Variants in ZPLD1 observed in about 807,000 individuals in gnomAD.
The protein encoded by ZPLD1 is zona pellucida like domain containing 1, also known as zona pellucida-like domain-containing protein 1.
A neutral mutation model predicts 47.2 loss-of-function variants in ZPLD1; 34 were observed. The observed-to-expected ratio is 0.72, with a 90% CI of 0.55 to 0.96. ZPLD1 has a LOEUF of 0.96. ZPLD1 is among the 40% of genes least tolerant of loss of function. The pLI, the probability that ZPLD1 is intolerant of heterozygous loss-of-function variation, is 0.00. For missense variants in ZPLD1, 512 were observed against 505.8 expected (o/e 1.01, Z -0.12); for synonymous variants, 176 against 186.2 (o/e 0.95, Z 0.45).
intron 10 of ZPLD1, among the ~76,000 whole-genome samples, chr3:102,474,898 G>A (rs944388811): frequency 2.0e-5 from 3 of 151,976 alleles, no homozygotes; most frequent in Non-Finnish European, 4.4e-5. Flanking sequence ...GACCAAGTGG[G>A]TTCAAGGAAT....
intron 7 of ZPLD1, among the ~76,000 whole-genome samples, chr3:102,417,646 T>C (rs1286679035): frequency 5.9e-5 from 9 of 151,958 alleles, no homozygotes; most frequent in Admixed American, 5.9e-4. Flanking sequence ...TGATATTCCA[T>C]ATCCCGTTTT....
intron 4 of ZPLD1, among the ~76,000 whole-genome samples, chr3:102,455,144 C>T (rs1707393137): frequency 6.6e-6 from 1 of 152,274 alleles, no homozygotes; most frequent in South Asian, 2.1e-4. Flanking sequence ...CACAGCTTTG[C>T]CCATGTGCTG....
At chr3:102,395,562 G>A (rs80075728) in intron 7 of ZPLD1, among the ~76,000 whole-genome samples, 1,862 of 152,252 alleles carry the variant, frequency 0.012, 38 homozygotes, top group African/African-American at 0.042. Context: ...GAATGCAGTC[G>A]TTGCTGACAC....
At chr3:102,403,361 T>A (rs1214501651) in intron 7 of ZPLD1, among the ~76,000 whole-genome samples, 1 of 151,860 alleles carries the variant, frequency 6.6e-6, no homozygotes, top group Admixed American at 6.6e-5. Flanking sequence ...TAGGAAAAAA[T>A]TTAATATTCA....
intron 7 of ZPLD1, among the ~76,000 whole-genome samples, chr3:102,397,727 C>T (rs778337641): frequency 3.9e-5 from 6 of 152,116 alleles, no homozygotes; most frequent in Non-Finnish European, 8.8e-5. Flanking sequence ...AGGATACCAC[C>T]TCACTCACCT....
chr3:102,422,578 T>C (rs1243396522), intron 8 of ZPLD1, among the ~76,000 whole-genome samples: 5 of 152,116 alleles, frequency 3.3e-5, no homozygotes, highest in Middle Eastern at 3.4e-3. Flanking sequence ...AGGGGTTGTT[T>C]TGATAGAAGA....
chr3:102,467,801 C>T (rs1707619946), intron 8 of ZPLD1, among the ~76,000 whole-genome samples: 1 of 149,710 alleles, frequency 6.7e-6, no homozygotes, highest in Non-Finnish European at 1.5e-5. Context: ...CACAAAATAA[C>T]ATATTGAAAA....
intron 3 of ZPLD1, among the ~76,000 whole-genome samples, chr3:102,447,361 G>A (rs1178075811): frequency 6.6e-6 from 1 of 152,104 alleles, no homozygotes; most frequent in Non-Finnish European, 1.5e-5. Context: ...ACCACACCTG[G>A]CCTCCCCATC....
intron 6 of ZPLD1, among the ~76,000 whole-genome samples, chr3:102,460,196 A>T (rs1707484915): frequency 1.3e-5 from 2 of 152,052 alleles, no homozygotes; most frequent in Admixed American, 1.3e-4. Context: ...GAAGCCATTA[A>T]TTCCTATTTC....
chr3:102,389,012 T>A lies in ZPLD1; in HGVS notation c.-212-3158T>A, dbSNP rs77384334. 7.7e-3 allele frequency among the ~76,000 whole-genome samples: 1,180 copies of A among 152,316 alleles called. 19 individuals carry two copies. Among genetic ancestry groups the A allele is most frequent in the African/African-American group, 0.027 (1,118 of 41,566 alleles). ...CTCAGTTGTATAACTTCAGTTTAACTCTTCTGGGCTGTTTCTTCTTTATCC... is the reference window on the plus strand; with the variant it reads ...CTCAGTTGTATAACTTCAGTTTAACACTTCTGGGCTGTTTCTTCTTTATCC... On this transcript the variant is annotated intron_variant, in intron 6 of 17. Transcript: ENST00000491959.
intron 3 of ZPLD1, among the ~76,000 whole-genome samples, chr3:102,450,515 G>C (rs1219225566): frequency 2.0e-5 from 3 of 152,170 alleles, no homozygotes; most frequent in Non-Finnish European, 1.5e-5. Flanking sequence ...ATAGAAGAGA[G>C]AGAGAGAGGG....
At chr3:102,407,038 T>A (rs1461540746) in intron 7 of ZPLD1, among the ~76,000 whole-genome samples, 1 of 151,778 alleles carries the variant, frequency 6.6e-6, no homozygotes, top group African/African-American at 2.4e-5. Context: ...TCTGTGGGAG[T>A]AGCTCATCTT....
chr3:102,465,942 T>A (rs1219684643), intron 8 of ZPLD1, among the ~76,000 whole-genome samples: 3 of 152,080 alleles, frequency 2.0e-5, no homozygotes, highest in African/African-American at 7.2e-5. Flanking sequence ...CAGAAGCAGC[T>A]GGAGAAATAC....
At chr3:102,401,612 C>T (rs938552430) in intron 7 of ZPLD1, among the ~76,000 whole-genome samples, 8 of 152,076 alleles carry the variant, frequency 5.3e-5, no homozygotes, top group African/African-American at 1.9e-4. Flanking sequence ...GGATTGGGCA[C>T]TTAGGCACTG....
intron 6 of ZPLD1, among the ~76,000 whole-genome samples, chr3:102,391,435 CTGAA>C (rs1559737929): frequency 6.6e-6 from 1 of 151,990 alleles, no homozygotes; most frequent in Admixed American, 6.6e-5. Context: ...CCTCTTGAAT[CTGAA>C]TGAGATTGTG....
chr3:102,420,952 G>A (rs1706870484), intron 8 of ZPLD1, among the ~76,000 whole-genome samples: 1 of 151,846 alleles, frequency 6.6e-6, no homozygotes, highest in African/African-American at 2.4e-5. Flanking sequence ...AAATACAGAT[G>A]CTAAATTCAA....
At chr3:102,436,839 C>T in intron 1 of ZPLD1, 21 bp from the exon 2 acceptor site, 5 of 962,566 alleles carry the variant, frequency 5.2e-6, no homozygotes, top group Non-Finnish European at 6.2e-6. Flanking sequence ...AACTTAAATT[C>T]CTGATTCTGT....
intron 8 of ZPLD1, among the ~76,000 whole-genome samples, chr3:102,423,631 C>T (rs1246438021): frequency 1.3e-5 from 2 of 152,064 alleles, no homozygotes; most frequent in Non-Finnish European, 2.9e-5. Flanking sequence ...TAAGCATACA[C>T]TAACTTTCAA....
intron 9 of ZPLD1, among the ~76,000 whole-genome samples, chr3:102,469,607 A>G (rs1474685887): frequency 6.6e-6 from 1 of 152,186 alleles, no homozygotes; most frequent in Non-Finnish European, 1.5e-5. Flanking sequence ...ATGGTCAAAG[A>G]CAGAGACACA....
Sources: allele counts gnomAD v4.1 joint callset (sites outside exome capture counted in the v4.1 genomes callset), GRCh38; gene constraint gnomAD v4.1.1; transcripts MANE v1.5; gene names NCBI Gene and HGNC (gene_info 2026-07-23, HGNC 2026-07-21).